The following GRIN2D variants were observed in gnomAD, a reference collection of about 807,000 sequenced individuals.
The protein encoded by GRIN2D is glutamate receptor ionotropic, NMDA 2D.
In GRIN2D, 37 loss-of-function variants were observed where a neutral mutation model predicts 103.2. The observed-to-expected ratio is 0.36, with a 90% CI of 0.28 to 0.47. GRIN2D has a LOEUF of 0.47. Ranked by LOEUF, GRIN2D falls within the 20% of genes least tolerant of loss-of-function variation. The pLI is 1.00. For missense variants in GRIN2D, 1,557 were observed against 1,910.6 expected (o/e 0.81, Z 3.45); for synonymous variants, 845 against 885.6 (o/e 0.95, Z 0.81).
At chr19:48,428,162 T>C (rs1166739522) in intron 11 of GRIN2D, among the ~76,000 whole-genome samples, 2 of 151,130 alleles carry the variant, frequency 1.3e-5, no homozygotes, top group Non-Finnish European at 3.0e-5. Flanking sequence ...TCAGCCTCCT[T>C]AGTAGCTGGT....
At position 48,443,576 on chromosome 19, in the gene GRIN2D, G is replaced by A; in HGVS notation, c.3650G>A (p.Gly1217Glu). Residue 1217 changes from glycine to glutamate, a missense_variant, in exon 14 of 14, where the codon GGG becomes GAG. This residue lies in a region of GRIN2D where 632 missense variants were observed against 572.8 expected (regional missense o/e 1.10). Transcript: ENST00000263269. This position sits in a 1 kb window ranked among gnomAD's most constrained non-coding sequence, Gnocchi z 8.9. ...CCACCGCCTCCACCCTGGGCCGCCG[G>A]GCCCCTGCCCCGACGCCGGGCCCGC... ...WAPPPPPWAAGPLPRRRARCG... is the reference protein window; with the variant it reads ...WAPPPPPWAAEPLPRRRARCG... 2 of 1,217,728 alleles carry A rather than the reference G, an allele frequency of 1.6e-6. No homozygotes were observed. The highest frequency in any genetic ancestry group is 2.0e-6 in the Non-Finnish European group (2 of 978,916). 75.4% of individuals were successfully genotyped at this position (1,217,728 alleles called of 1,614,324 possible). A position where few individuals can be genotyped will look rare whatever the true frequency, so the allele number is the denominator to read the frequency against.
chr19:48,404,880 T>C lies in GRIN2D; in HGVS notation c.612T>C (p.Ile204=). 1.2e-6 allele frequency: 2 copies of C among 1,613,802 alleles called. No homozygotes were observed. The highest frequency in any genetic ancestry group is 2.2e-5 in the East Asian group (1 of 44,886). The part of the protein sequence containing the change: ...APGHRAFLSY[I]EVLTDGSLVG... Reference sequence around the variant, plus strand: ...GCCACCGGGCCTTCCTGTCCTACATTGAGGTGCTGACTGACGGTAGTCTGG... The same window carrying C: ...GCCACCGGGCCTTCCTGTCCTACATCGAGGTGCTGACTGACGGTAGTCTGG... The change falls in exon 4 of 14, where the codon ATT becomes ATC. Residue 204 remains isoleucine (I), a synonymous_variant. Transcript: ENST00000263269.
At chr19:48,419,157 G>C (rs1970983603) in intron 8 of GRIN2D, 77 bp from the exon 9 acceptor site, 1 of 1,424,992 alleles carries the variant, frequency 7.0e-7, no homozygotes, top group African/African-American at 1.5e-5. Flanking sequence ...GGGAGTACAG[G>C]CGTGAGGCAC....
Position 48,415,877 on chromosome 19 carries a change from C to T in GRIN2D, c.1582-125C>T. ...CCCCCTCCTCACCCACCTCGCAATC[C>T]CTCTTGGCCCCTTCCCTCACCCTGT... is the stretch of plus-strand genomic sequence containing the variant. On this transcript the variant is annotated intron_variant, in intron 7 of 13. Coordinates refer to ENST00000263269, the MANE Select transcript of GRIN2D (RefSeq NM_000836.4). 1.1e-5 allele frequency: 9 copies of T among 783,918 alleles called. No homozygotes were observed. The South Asian group carries it at 1.2e-4, about 10-fold the overall frequency. 48.6% of individuals were successfully genotyped at this position (783,918 alleles called of 1,614,324 possible).
chr19:48,406,385 G>A lies in GRIN2D; in HGVS notation c.1085+1032G>A, dbSNP rs79848158. On this transcript the variant is annotated intron_variant, in intron 4 of 13. Transcript: ENST00000263269. The stretch of plus-strand genomic sequence containing the variant: ...GTTTGTTGGAAAATAGCATCTCCAC[G>A]GTAGGAAGCTCTGGGAGTGGAAAAA... Among the ~76,000 whole-genome samples, 850 of 152,282 alleles carry A rather than the reference G, an allele frequency of 5.6e-3. 6 individuals are homozygous for A. The highest frequency in any genetic ancestry group is 0.019 in the African/African-American group (804 of 41,560).
Position 48,398,782 on chromosome 19 carries a change from C to T in GRIN2D, c.390C>T (p.Leu130=). The T allele has an allele frequency of 6.8e-7, 1 of 1,460,744 alleles. No homozygotes were observed. Among genetic ancestry groups the T allele is most frequent in the Non-Finnish European group, 9.0e-7 (1 of 1,111,922 alleles). The allele number at this position is 1,460,744 out of a possible 1,614,324, so 90.5% of individuals were successfully genotyped here. ...GCGCGCCCGCCGTCGCGCCCATCCT[C>T]GACTTCCTGTCGGCGCAGACCTCGC... ...DSRAPAVAPI[L]DFLSAQTSLP... The change falls in exon 3 of 14, where the codon CTC becomes CTT. Residue 130 remains leucine, a synonymous_variant. Transcript: ENST00000263269.
At chr19:48,396,866 T>C (rs1970649850) in intron 2 of GRIN2D, among the ~76,000 whole-genome samples, 1 of 152,022 alleles carries the variant, frequency 6.6e-6, no homozygotes. Flanking sequence ...CTTCCTTGTC[T>C]GGACCCTCAC....
chr19:48,419,515 CTT>C (rs11302654), intron 9 of GRIN2D, 68 bp from the exon 10 acceptor site: 41,495 of 1,119,418 alleles, frequency 0.037, 2 homozygotes, highest in East Asian at 0.13. Context: ...GTAGTTCTTT[CTT>C]TTTTTTTTTT....
chr19:48,429,284 G>A (rs932359416), intron 11 of GRIN2D, among the ~76,000 whole-genome samples: 1 of 152,146 alleles, frequency 6.6e-6, no homozygotes, highest in African/African-American at 2.4e-5. Flanking sequence ...GGAGTGCAGT[G>A]GCATAGTCAC....
rs765547867 is a variant in GRIN2D, at chr19:48,405,332, A to G, written c.1064A>G (p.His355Arg). The G allele has an allele frequency of 3.8e-6, 6 of 1,590,642 alleles. No individual in the cohort carries two copies. The Admixed American group carries it at 1.0e-4, about 27-fold the overall frequency. ...GHDCRAQNRT[H>R]RGESLHRYFM... ...GACTGTCGCGCCCAGAACCGCACCC[A>G]CCGCGGCGAGAGTCTGCATAGGTGA... Residue 355 changes from histidine (H) to arginine (R), a missense_variant, in exon 4 of 14, where the codon CAC (histidine) becomes CGC (arginine). Physicochemically the swap from His to Arg is conservative, Grantham distance 29 (BLOSUM62 0). Coordinates refer to ENST00000263269, the MANE Select transcript of GRIN2D (RefSeq NM_000836.4). This position sits in a 1 kb window ranked among gnomAD's most constrained non-coding sequence, Gnocchi z 5.1.
chr19:48,441,970 C>T lies in GRIN2D; in HGVS notation c.2440+14C>T. On this transcript the variant is annotated intron_variant, in intron 12 of 13. Coordinates refer to ENST00000263269, the MANE Select transcript of GRIN2D (RefSeq NM_000836.4). The stretch of plus-strand genomic sequence containing the variant: ...TCCTGGGGGATGGTGCGGCTGCACA[C>T]AGGGATTTCCACAGCGGAGAGGGGG... 1 of 1,594,912 alleles carries T rather than the reference C, an allele frequency of 6.3e-7. No individual in the cohort carries two copies.
chr19:48,440,214 G>GA (rs898135808), intron 11 of GRIN2D, among the ~76,000 whole-genome samples: 153 of 148,902 alleles, frequency 1.0e-3, no homozygotes, highest in African/African-American at 3.3e-3. Flanking sequence ...TCGGTCTCAA[G>GA]AAAAAAAAAA....
Position 48,415,011 on chromosome 19 carries a change from C to A in GRIN2D, c.1560C>A (p.Val520=), listed in dbSNP as rs368206646. 1 of 1,599,300 alleles carries A rather than the reference C, an allele frequency of 6.3e-7. No homozygotes were observed. Among genetic ancestry groups the A allele is most frequent in the South Asian group, 1.1e-5 (1 of 90,148 alleles). ...NGKHGKKIDG[V]WNGMIGEVFY... ...AGCACGGAAAGAAGATCGATGGCGT[C>A]TGGAACGGCATGATCGGGGAGGTGA... The change falls in exon 7 of 14, where the codon GTC becomes GTA. Residue 520 remains valine (V), a synonymous_variant. Coordinates refer to ENST00000263269, the MANE Select transcript of GRIN2D (RefSeq NM_000836.4).
In GRIN2D at chr19:48,405,031, C is replaced by G; in HGVS notation, c.763C>G (p.Pro255Ala). The change falls in exon 4 of 14, where the codon CCC (proline) becomes GCC (alanine). Residue 255 changes from proline to alanine, a missense_variant. By Grantham distance (27) the Pro-to-Ala change is conservative. This residue lies in a region of GRIN2D where 490 missense variants were observed against 601.1 expected (regional missense o/e 0.82). Transcript: ENST00000263269. The surrounding 1 kb of genome is among the most constrained non-coding windows in gnomAD (Gnocchi z 5.1). The part of the protein sequence containing the change: ...LLFCAREEAE[P>A]VFRAAEEAGL... ...CTTCTGCGCCCGAGAGGAGGCCGAG[C>G]CCGTGTTCCGCGCAGCTGAGGAGGC... The G allele has an allele frequency of 6.2e-7, 1 of 1,611,836 alleles. No homozygotes were observed. Among genetic ancestry groups the G allele is most frequent in the Non-Finnish European group, 8.5e-7 (1 of 1,179,176 alleles).
chr19:48,419,257 G>A lies in GRIN2D; in HGVS notation c.1759G>A (p.Val587Met). The change falls in exon 9 of 14, where the codon GTG becomes ATG. Residue 587 changes from valine to methionine, a missense_variant. By Grantham distance (21) the Val-to-Met change is conservative. Transcript: ENST00000263269. Reference protein sequence around the residue: ...FLEPYSPAVWVMMFVMCLTVV... With the variant: ...FLEPYSPAVWMMMFVMCLTVV... Reference sequence around the variant, plus strand: ...AGAGCCCTACAGCCCCGCCGTGTGGGTGATGATGTTCGTCATGTGCCTCAC... The same window carrying A: ...AGAGCCCTACAGCCCCGCCGTGTGGATGATGATGTTCGTCATGTGCCTCAC... The A allele has an allele frequency of 6.2e-7, 1 of 1,610,840 alleles. No individual in the cohort carries two copies. Among genetic ancestry groups the A allele is most frequent in the Non-Finnish European group, 8.5e-7 (1 of 1,179,488 alleles).
chr19:48,414,680 G>A lies in GRIN2D; in HGVS notation c.1412+96G>A. ...CAGCCCCCTCCTCCCTTGGGACCCA[G>A]GACCCACAAAGCCCTCCAGCTTGGT... is the stretch of plus-strand genomic sequence containing the variant. On this transcript the variant is annotated intron_variant, in intron 6 of 13. Transcript: ENST00000263269. This position sits in a 1 kb window ranked among gnomAD's most constrained non-coding sequence, Gnocchi z 4.6. 1 of 1,312,194 alleles carries A rather than the reference G, an allele frequency of 7.6e-7. No homozygotes were observed. Among genetic ancestry groups the A allele is most frequent in the Admixed American group, 2.2e-5 (1 of 46,452 alleles). The allele number at this position is 1,312,194 out of a possible 1,614,324, so 81.3% of individuals were successfully genotyped here.
chr19:48,398,123 GTCTCTCCCTCTGTCTCTCCTCCATTTC>G (rs941595961), intron 2 of GRIN2D, among the ~76,000 whole-genome samples: 9 of 147,246 alleles, frequency 6.1e-5, no homozygotes, highest in Non-Finnish European at 7.5e-5. Context: ...ACCTCTGCCC[GTCTCTCCCTCTGTCTCTCCTCCATTTC>G]TCTCTCCCTC....
At position 48,443,656 on chromosome 19, in the gene GRIN2D, G is replaced by A. The variant is rs1210553361; in HGVS notation, c.3730G>A (p.Ala1244Thr). Residue 1244 changes from alanine (A) to threonine (T), a missense_variant, in exon 14 of 14, where the codon GCC (alanine) becomes ACC (threonine). This residue lies in a region of GRIN2D where 632 missense variants were observed against 572.8 expected (regional missense o/e 1.10). Coordinates refer to ENST00000263269, the MANE Select transcript of GRIN2D (RefSeq NM_000836.4). This position sits in a 1 kb window ranked among gnomAD's most constrained non-coding sequence, Gnocchi z 8.9. The part of the protein sequence containing the change: ...HRPRASHRTP[A>T]AAAPHHHRHR... ...CCCGCGGGCCTCGCACCGCACGCCCGCCGCCGCCGCGCCCCACCACCACAG... is the reference window on the plus strand; with the variant it reads ...CCCGCGGGCCTCGCACCGCACGCCCACCGCCGCCGCGCCCCACCACCACAG... The A allele has an allele frequency of 6.3e-6, 7 of 1,117,356 alleles. No individual in the cohort carries two copies. Among genetic ancestry groups the A allele is most frequent in the Non-Finnish European group, 7.6e-6 (7 of 916,844 alleles). The allele number at this position is 1,117,356 out of a possible 1,614,324, so 69.2% of individuals were successfully genotyped here.
chr19:48,397,917 C>G (rs897748522), intron 2 of GRIN2D, among the ~76,000 whole-genome samples: 2 of 151,780 alleles, frequency 1.3e-5, no homozygotes, highest in African/African-American at 2.4e-5. Flanking sequence ...TCCCCCAATC[C>G]CATACTCCAC....
Sources: allele counts gnomAD v4.1 joint callset (sites outside exome capture counted in the v4.1 genomes callset), GRCh38; gene constraint gnomAD v4.1.1; regional missense constraint gnomAD v4.1.1; non-coding constraint Gnocchi (gnomAD v3.1); transcripts MANE v1.5; gene names NCBI Gene and HGNC (gene_info 2026-07-23, HGNC 2026-07-21).